CDH17: variants seen among roughly 807,000 people sequenced by gnomAD.
CDH17 encodes cadherin-17.
A neutral mutation model predicts 86.3 loss-of-function variants in CDH17; 67 were observed. The ratio of observed to expected loss-of-function variants is 0.78; its 90% CI spans 0.64 to 0.95. The LOEUF (loss-of-function observed/expected upper bound fraction) is 0.95. Ranked by LOEUF, CDH17 falls within the 40% of genes least tolerant of loss-of-function variation. The probability of loss-of-function intolerance (pLI) is 0.00; values close to 1 mark genes in which losing one functional copy is unlikely to be tolerated. For missense variants in CDH17, 993 were observed against 1,017.6 expected, an observed-to-expected ratio of 0.98 and a Z score of 0.33; for synonymous variants, 367 against 366.4, an observed-to-expected ratio of 1.00 and a Z score of -0.02.
In CDH17 at chr8:94,130,859, TATAGCAGA is replaced by T; in HGVS notation, c.2284+9_2284+16del. On this transcript the variant is annotated intron_variant, in intron 16 of 17. Transcript: ENST00000027335. ...GTGACAGATACTAGCCTGAGTTGCC[TATAGCAGA>T]ATATCTACCTGGTAAAGAAACAATG... The T allele has an allele frequency of 6.5e-7, 1 of 1,547,932 alleles. No homozygotes were observed. The highest frequency in any genetic ancestry group is 8.9e-7 in the Non-Finnish European group (1 of 1,119,658).
intron 3 of CDH17, among the ~76,000 whole-genome samples, chr8:94,179,495 A>T (rs184614584): frequency 4.6e-5 from 7 of 152,318 alleles, no homozygotes; most frequent in Admixed American, 4.6e-4. Context: ...CTACAAGGCC[A>T]CTATCATGAG....
intron 3 of CDH17, among the ~76,000 whole-genome samples, chr8:94,188,465 T>A (rs1401355578): frequency 6.6e-6 from 1 of 151,884 alleles, no homozygotes; most frequent in Non-Finnish European, 1.5e-5. Flanking sequence ...CGGGGAGGGG[T>A]CACGGGCACC....
rs763677240 is a variant in CDH17 at position 94,160,002 on chromosome 8, T to C, written c.1520A>G (p.His507Arg). ...EGRLGVDTDP[H>R]TNTGYVIIKK... Reference sequence around the variant, plus strand: ...AATTATGACATATCCGGTGTTGGTATGGGGATCTGTGTCAACCCCCAGGCG... The same window carrying C: ...AATTATGACATATCCGGTGTTGGTACGGGGATCTGTGTCAACCCCCAGGCG... Residue 507 changes from histidine to arginine, a missense_variant, in exon 12 of 18, where the codon CAT (histidine) becomes CGT (arginine). Coordinates refer to ENST00000027335, the MANE Select transcript of CDH17 (RefSeq NM_004063.4). The C allele has an allele frequency of 3.1e-6, 5 of 1,612,360 alleles. No homozygotes were observed. The highest frequency in any genetic ancestry group is 1.7e-5 in the Admixed American group (1 of 59,774).
At chr8:94,142,742 A>AAAAC (rs140901837) in intron 15 of CDH17, among the ~76,000 whole-genome samples, 1 of 152,008 alleles carries the variant, frequency 6.6e-6, no homozygotes. Flanking sequence ...CCATTGTTCA[A>AAAAC]AAACAAACAA....
At chr8:94,173,491 G>A (rs1163646915) in intron 7 of CDH17, among the ~76,000 whole-genome samples, 1 of 152,114 alleles carries the variant, frequency 6.6e-6, no homozygotes, top group African/African-American at 2.4e-5. Context: ...GCAGATGCTG[G>A]AGCCACGCTT....
At chr8:94,208,970 G>A (rs1398980883), upstream of CDH17, among the ~76,000 whole-genome samples, 1 of 152,102 alleles carries the variant, frequency 6.6e-6, no homozygotes, top group Non-Finnish European at 1.5e-5. Flanking sequence ...GAGCAGGGGC[G>A]CCATGTCTGA....
At chr8:94,136,831 T>G (rs1586232023) in intron 15 of CDH17, among the ~76,000 whole-genome samples, 1 of 152,152 alleles carries the variant, frequency 6.6e-6, no homozygotes, top group African/African-American at 2.4e-5. Context: ...TTTTTGCTGA[T>G]GTTGATGCTA....
intron 9 of CDH17, among the ~76,000 whole-genome samples, chr8:94,166,348 T>G (rs557116765): frequency 3.8e-4 from 58 of 152,312 alleles, no homozygotes; most frequent in African/African-American, 1.3e-3. Context: ...AACCTCCCTA[T>G]GTCCACATTT....
chr8:94,173,554 C>T (rs774203690), intron 7 of CDH17, among the ~76,000 whole-genome samples: 1 of 152,230 alleles, frequency 6.6e-6, no homozygotes, highest in Admixed American at 6.5e-5. Flanking sequence ...AAATTCCCCA[C>T]CTCAGGTATT....
intron 4 of CDH17, among the ~76,000 whole-genome samples, chr8:94,177,141 G>A (rs957445426): frequency 5.9e-5 from 9 of 152,178 alleles, no homozygotes; most frequent in Non-Finnish European, 1.0e-4. Context: ...AGAGGGAGAC[G>A]GGTCTTTTTA....
intron 1 of CDH17, among the ~76,000 whole-genome samples, chr8:94,201,247 T>C (rs539221948): frequency 1.3e-5 from 2 of 152,322 alleles, no homozygotes; most frequent in East Asian, 3.9e-4. Context: ...CTCATTTCTG[T>C]GCTTCACCTT....
At position 94,131,000 on chromosome 8, in the gene CDH17, G is replaced by A. The variant is rs774539012; in HGVS notation, c.2168-8C>T. 2.1e-6 allele frequency: 3 copies of A among 1,402,618 alleles called. No homozygotes were observed. Among genetic ancestry groups the A allele is most frequent in the Admixed American group, 1.8e-5 (1 of 56,400 alleles). The allele number at this position is 1,402,618 out of a possible 1,614,324, so 86.9% of individuals were successfully genotyped here. A position where few individuals can be genotyped will look rare whatever the true frequency, so the allele number is the denominator to read the frequency against. ...ACAGTCGGGCATGAGTACCTGCCAG[G>A]ACAGGAAAAAAAAATGAAAATACAA... On this transcript the variant is annotated splice_polypyrimidine_tract_variant and splice_region_variant and intron_variant, in intron 15 of 17. Coordinates refer to ENST00000027335, the MANE Select transcript of CDH17 (RefSeq NM_004063.4).
At chr8:94,137,318 C>T (rs569730697) in intron 15 of CDH17, among the ~76,000 whole-genome samples, 11 of 152,224 alleles carry the variant, frequency 7.2e-5, no homozygotes, top group East Asian at 3.9e-4. Flanking sequence ...GCTTCCCAGC[C>T]GCTTTACCTA....
intron 1 of CDH17, among the ~76,000 whole-genome samples, chr8:94,215,690 C>T (rs749803449): frequency 6.6e-6 from 1 of 152,122 alleles, no homozygotes; most frequent in Admixed American, 6.5e-5. Flanking sequence ...AAAGTATTCC[C>T]TGCAACTAAT....
intron 1 of CDH17, among the ~76,000 whole-genome samples, chr8:94,198,733 T>C (rs1435135291): frequency 1.3e-5 from 2 of 152,088 alleles, no homozygotes; most frequent in African/African-American, 4.8e-5. Context: ...CCCCTGCTGC[T>C]CTCCCTGCCT....
upstream of CDH17, among the ~76,000 whole-genome samples, chr8:94,210,382 T>A (rs1178819950): frequency 6.6e-6 from 1 of 152,148 alleles, no homozygotes; most frequent in Non-Finnish European, 1.5e-5. Context: ...ATTAGGTTAA[T>A]TAAACACTGA....
At chr8:94,188,374 A>G (rs2613219) in intron 3 of CDH17, among the ~76,000 whole-genome samples, 9,498 of 151,916 alleles carry the variant, frequency 0.063, 474 homozygotes, top group African/African-American at 0.14. Context: ...GCCGTCTGTA[A>G]ATTTTTGGCA....
In CDH17 at chr8:94,197,889, T is replaced by G. The variant is rs189764574; in HGVS notation, c.-20-3184A>C. On this transcript the variant is annotated intron_variant, in intron 1 of 17. Transcript: ENST00000027335. Reference sequence around the variant, plus strand: ...TTTGTGCTCCTATGATTTTCTCAGATATAATGAGCTGGGAATTGTTCTTCT... The same window carrying G: ...TTTGTGCTCCTATGATTTTCTCAGAGATAATGAGCTGGGAATTGTTCTTCT... 2.7e-5 allele frequency among the ~76,000 whole-genome samples: 4 copies of G among 150,814 alleles called. No homozygotes were observed. In the East Asian group the frequency reaches 7.8e-4, roughly 29 times the overall value.
At chr8:94,167,315 T>C (rs940063503) in intron 9 of CDH17, among the ~76,000 whole-genome samples, 4 of 152,146 alleles carry the variant, frequency 2.6e-5, no homozygotes, top group African/African-American at 9.7e-5. Flanking sequence ...ATTGTAGGTC[T>C]CTTTATATGT....
Sources: allele counts gnomAD v4.1 joint callset (sites outside exome capture counted in the v4.1 genomes callset), GRCh38; gene constraint gnomAD v4.1.1; transcripts MANE v1.5; gene names NCBI Gene and HGNC (gene_info 2026-07-23, HGNC 2026-07-21).